Variants in BTBD8 observed in about 807,000 individuals in gnomAD.
BTBD8 encodes BTB domain containing 8, also known as BTB/POZ domain-containing protein 8.
BTBD8 carries 110 observed loss-of-function variants against 162.9 expected under a neutral mutation model. The observed-to-expected ratio is 0.68, with a 90% CI of 0.58 to 0.79. The LOEUF is 0.79. Among genes scored for constraint, BTBD8 ranks in the 30% least tolerant of loss-of-function variants. The pLI is 0.00. For synonymous variants in BTBD8, 667 were observed against 716.1 expected, an observed-to-expected ratio of 0.93 and a Z score of 1.10; for missense variants, 1,905 against 2,085.4, an observed-to-expected ratio of 0.91 and a Z score of 1.68.
chr1:92,136,832 G>A (rs1357709676), intron 5 of BTBD8, among the ~76,000 whole-genome samples: 3 of 152,198 alleles, frequency 2.0e-5, no homozygotes, highest in African/African-American at 4.8e-5. Context: ...GGTATCTGCT[G>A]TAGAGTTGGT....
chr1:92,090,099 A>G (rs182143758), intron 2 of BTBD8, among the ~76,000 whole-genome samples: 1 of 152,302 alleles, frequency 6.6e-6, no homozygotes, highest in East Asian at 1.9e-4. Flanking sequence ...TGCTGCTATA[A>G]TACGTATATA....
intron 1 of BTBD8, among the ~76,000 whole-genome samples, chr1:92,086,322 C>A (rs1648158622): frequency 6.6e-6 from 1 of 152,266 alleles, no homozygotes; most frequent in Non-Finnish European, 1.5e-5. Context: ...GGGTTTTAGA[C>A]CCTGGACCGC....
intron 1 of BTBD8, among the ~76,000 whole-genome samples, chr1:92,081,095 G>C (rs1376902047): frequency 1.3e-5 from 2 of 152,112 alleles, no homozygotes; most frequent in Non-Finnish European, 2.9e-5. Context: ...ACTATTTTAA[G>C]AAAAATAATA....
intron 3 of BTBD8, 47 bp from the exon 4 acceptor site, chr1:92,107,837 G>C (rs376352986): frequency 6.8e-7 from 1 of 1,471,986 alleles, no homozygotes; most frequent in Non-Finnish European, 9.2e-7. Context: ...ATTTTTGGAC[G>C]TTTGTAATAT....
Position 92,152,447 on chromosome 1 carries a change from A to G in BTBD8, c.1122+4661A>G, listed in dbSNP as rs142925740. On this transcript the variant is annotated intron_variant, in intron 9 of 17. Coordinates refer to ENST00000636805, the MANE Select transcript of BTBD8 (RefSeq NM_001376131.1). ...CACACAGGTTAAATCTGACTGGAAT[A>G]ATAAGAGAATTAATTTGAAATGAAC... Among the ~76,000 whole-genome samples the G allele has an allele frequency of 1.8e-4, 28 of 152,308 alleles. No homozygotes were observed. The East Asian group carries it at 5.4e-3, about 29-fold the overall frequency.
In BTBD8 at chr1:92,141,102, A is replaced by G. The variant is rs1350413474; in HGVS notation, c.834-13A>G. On this transcript the variant is annotated splice_polypyrimidine_tract_variant and intron_variant, in intron 6 of 17. Transcript: ENST00000636805. ...AAATTGGAGAATTAACAGTGCATCTATTTTTATTTTAGTCAGATACTCAAT... is the reference window on the plus strand; with the variant it reads ...AAATTGGAGAATTAACAGTGCATCTGTTTTTATTTTAGTCAGATACTCAAT... The G allele has an allele frequency of 6.5e-7, 1 of 1,535,410 alleles. No individual in the cohort carries two copies. Among genetic ancestry groups the G allele is most frequent in the Non-Finnish European group, 8.7e-7 (1 of 1,143,252 alleles).
chr1:92,117,174 C>T (rs865977566), intron 4 of BTBD8, among the ~76,000 whole-genome samples: 4 of 151,798 alleles, frequency 2.6e-5, no homozygotes, highest in African/African-American at 9.7e-5. Context: ...CTGTTAATTC[C>T]ATCTTCTCTT....
chr1:92,084,435 C>T (rs575477839), intron 1 of BTBD8, among the ~76,000 whole-genome samples: 30 of 152,262 alleles, frequency 2.0e-4, no homozygotes, highest in African/African-American at 7.0e-4. Flanking sequence ...CTGTGAGGAA[C>T]ATCTGAGCTC....
At chr1:92,150,814 G>A (rs990762688) in intron 9 of BTBD8, 4 of 152,158 alleles carry the variant, frequency 2.6e-5, no homozygotes, top group Non-Finnish European at 5.9e-5. Flanking sequence ...CAGACATGGG[G>A]AAAACATGCA....
intron 1 of BTBD8, among the ~76,000 whole-genome samples, chr1:92,088,140 A>T (rs990017689): frequency 6.6e-6 from 1 of 152,154 alleles, no homozygotes; most frequent in Admixed American, 6.5e-5. Context: ...AAAGAGAGTA[A>T]ATGTCACATT....
intron 12 of BTBD8, 147 bp downstream of exon 12, chr1:92,169,142 G>A: frequency 2.8e-6 from 2 of 710,430 alleles, no homozygotes; most frequent in South Asian, 6.7e-5. Flanking sequence ...CATATGTTTA[G>A]GCAGTTTTAA....
chr1:92,177,302 A>C lies in BTBD8; in HGVS notation c.2109A>C (p.Gln703His). 1.3e-6 allele frequency: 2 copies of C among 1,552,056 alleles called. No individual in the cohort carries two copies. Among genetic ancestry groups the C allele is most frequent in the Non-Finnish European group, 1.7e-6 (2 of 1,147,074 alleles). The change falls in exon 14 of 18, where the codon CAA becomes CAC. Residue 703 changes from glutamine (Q) to histidine (H), a missense_variant. By Grantham distance (24) the Gln-to-His change is conservative. Around this residue, in one of 3 missense-constraint regions of BTBD8, gnomAD observed 1,374 missense variants for 1,442.7 expected, o/e 0.95. Transcript: ENST00000636805. ...PKVLTGNLNVQAKAKPLKKAT... is the reference protein window; with the variant it reads ...PKVLTGNLNVHAKAKPLKKAT... ...TACTCACAGGAAACTTAAATGTGCA[A>C]GCCAAAGCAAAGCCTTTGAAGAAAG...
At position 92,091,573 on chromosome 1, in the gene BTBD8, C is replaced by T. The variant is rs1570713825; in HGVS notation, c.347+2678C>T. Among the ~76,000 whole-genome samples, 9 of 151,568 alleles carry T rather than the reference C, an allele frequency of 5.9e-5. 2 individuals are homozygous for T. The highest frequency in any genetic ancestry group is 5.9e-4 in the Admixed American group (9 of 15,222). On this transcript the variant is annotated intron_variant, in intron 2 of 17. Transcript: ENST00000636805. The stretch of plus-strand genomic sequence containing the variant: ...ATTTTTAGACGGAGTCTCGCTCTGT[C>T]GCCCAGGGTGGAGTGCAGTGGCGCA...
intron 1 of BTBD8, among the ~76,000 whole-genome samples, chr1:92,083,814 C>T (rs1648086841): frequency 6.6e-6 from 1 of 152,114 alleles, no homozygotes; most frequent in Admixed American, 6.6e-5. Flanking sequence ...AATTGATAGG[C>T]TTGGTGACTG....
chr1:92,150,835 AG>A (rs1650027963), intron 9 of BTBD8: 1 of 152,362 alleles, frequency 6.6e-6, no homozygotes, highest in South Asian at 2.1e-4. Context: ...AACTCTACAC[AG>A]ACAATGGCCT....
chr1:92,177,079 A>G lies in BTBD8; in HGVS notation c.1886A>G (p.Asn629Ser). 1 of 1,551,668 alleles carries G rather than the reference A, an allele frequency of 6.4e-7. No homozygotes were observed. The highest frequency in any genetic ancestry group is 8.7e-7 in the Non-Finnish European group (1 of 1,146,986). The change falls in exon 14 of 18, where the codon AAT becomes AGT. Residue 629 changes from asparagine (N) to serine (S), a missense_variant. Transcript: ENST00000636805. The stretch of plus-strand genomic sequence containing the variant: ...AAAGAACTAAAAACTGGGGGAAAAA[A>G]TGTTTCTGGAAAGCCCAAAACTGTA... ...ITKELKTGGK[N>S]VSGKPKTVTK... is the part of the protein sequence containing the mutation.
intron 9 of BTBD8, among the ~76,000 whole-genome samples, chr1:92,152,583 T>A (rs1220165775): frequency 6.6e-6 from 1 of 151,966 alleles, no homozygotes; most frequent in East Asian, 1.9e-4. Context: ...GTAACTGGAA[T>A]GAGAGAAGAT....
At chr1:92,101,333 T>C (rs1648586314) in intron 2 of BTBD8, among the ~76,000 whole-genome samples, 1 of 152,258 alleles carries the variant, frequency 6.6e-6, no homozygotes, top group African/African-American at 2.4e-5. Context: ...TGCTGGACCT[T>C]AGCCATTTAT....
intron 7 of BTBD8, among the ~76,000 whole-genome samples, chr1:92,146,914 C>T (rs1421940510): frequency 6.6e-6 from 1 of 151,956 alleles, no homozygotes; most frequent in South Asian, 2.1e-4. Flanking sequence ...CTGCTAAAAA[C>T]GTTCATGTTT....
Sources: allele counts gnomAD v4.1 joint callset (sites outside exome capture counted in the v4.1 genomes callset), GRCh38; gene constraint gnomAD v4.1.1; regional missense constraint gnomAD v4.1.1; transcripts MANE v1.5; gene names NCBI Gene and HGNC (gene_info 2026-07-23, HGNC 2026-07-21).